SLC10A7: variants seen among roughly 807,000 people sequenced by gnomAD.
The protein encoded by SLC10A7 is solute carrier family 10 member 7, also known as sodium/bile acid cotransporter 7.
SLC10A7 carries 29 observed loss-of-function variants against 43.2 expected under a neutral mutation model. The ratio of observed to expected loss-of-function variants is 0.67; its 90% CI spans 0.50 to 0.92. The LOEUF is 0.92. Among genes scored for constraint, SLC10A7 ranks in the 40% least tolerant of loss-of-function variants. The pLI is 0.00. For synonymous variants in SLC10A7, 152 were observed against 144.8 expected, an observed-to-expected ratio of 1.05 and a Z score of -0.35; for missense variants, 295 against 403.2, an observed-to-expected ratio of 0.73 and a Z score of 2.30.
rs555936080 is a variant in SLC10A7 at position 146,412,759 on chromosome 4, A to T, written c.435+30024T>A. Among the ~76,000 whole-genome samples, 4 of 152,226 alleles carry T rather than the reference A, an allele frequency of 2.6e-5. No homozygotes were observed. In the South Asian group the frequency reaches 8.3e-4, roughly 31 times the overall value. ...TAGAACAGGAGGAGAAATGGGGAGC[A>T]GTTGGGGGAGAAGAACTAGAACAAA... On this transcript the variant is annotated intron_variant, in intron 5 of 11. Transcript: ENST00000335472.
intron 4 of SLC10A7, among the ~76,000 whole-genome samples, chr4:146,474,111 G>A (rs1733829665): frequency 7.4e-6 from 1 of 134,308 alleles, no homozygotes; most frequent in African/African-American, 2.8e-5. Flanking sequence ...TAAACAACCT[G>A]AGGAAAAGTC....
At chr4:146,280,797 A>G (rs1407463159) in intron 10 of SLC10A7, among the ~76,000 whole-genome samples, 1 of 152,168 alleles carries the variant, frequency 6.6e-6, no homozygotes, top group Admixed American at 6.6e-5. Flanking sequence ...CATAAATACT[A>G]TCTAAGAGAC....
intron 4 of SLC10A7, among the ~76,000 whole-genome samples, chr4:146,447,469 C>G (rs973348721): frequency 6.6e-6 from 1 of 152,076 alleles, no homozygotes; most frequent in African/African-American, 2.4e-5. Context: ...TATTTCAAAA[C>G]CCATTCCTCC....
At chr4:146,469,296 T>A (rs1733349282) in intron 4 of SLC10A7, among the ~76,000 whole-genome samples, 1 of 152,054 alleles carries the variant, frequency 6.6e-6, no homozygotes, top group Non-Finnish European at 1.5e-5. Context: ...TCAGGAGAGG[T>A]AGAAGCTATT....
intron 5 of SLC10A7, among the ~76,000 whole-genome samples, chr4:146,358,880 T>C (rs1181974992): frequency 6.6e-6 from 1 of 152,196 alleles, no homozygotes; most frequent in Non-Finnish European, 1.5e-5. Flanking sequence ...TTCTGTTGGA[T>C]ACAACACCTG....
chr4:146,384,532 T>C (rs943393706), intron 5 of SLC10A7, among the ~76,000 whole-genome samples: 1 of 152,112 alleles, frequency 6.6e-6, no homozygotes, highest in Admixed American at 6.6e-5. Flanking sequence ...AAGCCAATGA[T>C]AAACTAAATA....
At chr4:146,487,166 A>C (rs1245216370) in intron 4 of SLC10A7, among the ~76,000 whole-genome samples, 1 of 152,210 alleles carries the variant, frequency 6.6e-6, no homozygotes, top group Non-Finnish European at 1.5e-5. Context: ...GCTTTTCAAA[A>C]AAATGCCCTA....
At chr4:146,362,711 G>A (rs999031878) in intron 5 of SLC10A7, among the ~76,000 whole-genome samples, 1 of 151,922 alleles carries the variant, frequency 6.6e-6, no homozygotes, top group African/African-American at 2.4e-5. Context: ...AAGTCAAAAT[G>A]TGAAATGAAT....
chr4:146,305,139 G>A (rs1362459969), intron 7 of SLC10A7, among the ~76,000 whole-genome samples: 2 of 150,390 alleles, frequency 1.3e-5, no homozygotes, highest in African/African-American at 4.9e-5. Flanking sequence ...TGTTTATTGC[G>A]ACATTATTCA....
At chr4:146,462,168 G>T (rs559484226) in intron 4 of SLC10A7, among the ~76,000 whole-genome samples, 1 of 151,894 alleles carries the variant, frequency 6.6e-6, no homozygotes, top group African/African-American at 2.4e-5. Context: ...GCTTTCTCCT[G>T]TATCACTTAC....
intron 6 of SLC10A7, among the ~76,000 whole-genome samples, chr4:146,306,516 A>G (rs1375283183): frequency 1.3e-5 from 2 of 152,184 alleles, no homozygotes; most frequent in African/African-American, 4.8e-5. Context: ...CAAATGGGAA[A>G]TCCTGAAATA....
chr4:146,445,079 AT>A (rs1730924347), intron 4 of SLC10A7, among the ~76,000 whole-genome samples: 1 of 152,100 alleles, frequency 6.6e-6, no homozygotes, highest in Admixed American at 6.6e-5. Context: ...ACATGTTTCT[AT>A]CCATCTCATT....
chr4:146,511,761 T>TA (rs1377707402), intron 2 of SLC10A7, among the ~76,000 whole-genome samples: 1 of 152,114 alleles, frequency 6.6e-6, no homozygotes, highest in Non-Finnish European at 1.5e-5. Context: ...AAGCCATCCT[T>TA]ACAGTGAATC....
At chr4:146,323,295 G>T (rs1732865549) in intron 6 of SLC10A7, among the ~76,000 whole-genome samples, 1 of 152,150 alleles carries the variant, frequency 6.6e-6, no homozygotes, top group Non-Finnish European at 1.5e-5. Context: ...TGAAGTCCTT[G>T]CCCATGCCTA....
At chr4:146,478,799 C>T (rs887991606) in intron 4 of SLC10A7, among the ~76,000 whole-genome samples, 16 of 151,386 alleles carry the variant, frequency 1.1e-4, no homozygotes, top group Non-Finnish European at 2.2e-4. Flanking sequence ...CTGAGGAAAC[C>T]GAGAAAGAGC....
chr4:146,265,695 A>C (rs1047216158), intron 10 of SLC10A7, among the ~76,000 whole-genome samples: 3 of 152,226 alleles, frequency 2.0e-5, no homozygotes, highest in Admixed American at 1.3e-4. Context: ...AATAGGTGCT[A>C]AAGTAATGTT....
At chr4:146,279,597 T>C (rs1467501225) in intron 10 of SLC10A7, among the ~76,000 whole-genome samples, 1 of 152,118 alleles carries the variant, frequency 6.6e-6, no homozygotes, top group Admixed American at 6.6e-5. Context: ...CTTGACAAAA[T>C]ATAAAATTAC....
chr4:146,291,775 C>T (rs752000277), intron 9 of SLC10A7, among the ~76,000 whole-genome samples: 7 of 152,052 alleles, frequency 4.6e-5, no homozygotes, highest in Non-Finnish European at 8.8e-5. Context: ...TGAATCCTTG[C>T]TCTATACTCT....
intron 10 of SLC10A7, among the ~76,000 whole-genome samples, chr4:146,279,016 A>G (rs1359948044): frequency 2.0e-5 from 3 of 152,188 alleles, no homozygotes; most frequent in African/African-American, 7.2e-5. Context: ...CTTTGTACAC[A>G]AATGTCTGTA....
Sources: gnomAD v4.1 joint callset for allele counts (sites outside exome capture counted in the v4.1 genomes callset) on GRCh38, gnomAD v4.1.1 for gene constraint, MANE v1.5 for transcripts, NCBI Gene and HGNC (gene_info 2026-07-23, HGNC 2026-07-21) for gene names.